Variants in PEX5L observed in about 807,000 individuals in gnomAD.
PEX5L encodes PEX5-related protein.
A neutral mutation model predicts 84.0 loss-of-function variants in PEX5L; 30 were observed. That is an observed-to-expected ratio of 0.36 (90% confidence interval 0.27 to 0.48). The LOEUF is 0.48. Ranked by LOEUF, PEX5L falls within the 20% of genes least tolerant of loss-of-function variation. PEX5L has a pLI of 0.99. For missense variants in PEX5L, 533 were observed against 754.6 expected (o/e 0.71, Z 3.44); for synonymous variants, 270 against 283.1 (o/e 0.95, Z 0.46).
rs112686910 is a variant in PEX5L, at chr3:179,963,382, T to C, written c.93+8212A>G. On this transcript the variant is annotated intron_variant, in intron 2 of 14. Transcript: ENST00000467460. ...ATTTTTTACATTTTAAATTGGCCAG[T>C]TTTCTTTGGAAGTACTTCAATTTCC... is the stretch of plus-strand genomic sequence containing the variant. 2.8e-4 allele frequency among the ~76,000 whole-genome samples: 42 copies of C among 152,294 alleles called. 2 individuals are homozygous for C. The highest frequency in any genetic ancestry group is 7.2e-4 in the Admixed American group (11 of 15,282).
intron 8 of PEX5L, among the ~76,000 whole-genome samples, chr3:179,844,524 G>A (rs563555568): frequency 1.3e-4 from 20 of 152,308 alleles, no homozygotes; most frequent in South Asian, 1.2e-3. Flanking sequence ...ACAAGGAAGC[G>A]GTTAACTTCA....
At chr3:179,836,706 A>G (rs897841282) in intron 8 of PEX5L, among the ~76,000 whole-genome samples, 1 of 152,218 alleles carries the variant, frequency 6.6e-6, no homozygotes, top group African/African-American at 2.4e-5. Context: ...CAATTAGATC[A>G]TTTAACCAAA....
intron 1 of PEX5L, among the ~76,000 whole-genome samples, chr3:180,001,493 A>AT (rs5854855): frequency 0.26 from 38,599 of 149,050 alleles, 5,502 homozygotes; most frequent in African/African-American, 0.4. Context: ...AAGAAAACAA[A>AT]TTTTTTTTTT....
intron 2 of PEX5L, among the ~76,000 whole-genome samples, chr3:179,933,800 T>C (rs142109709): frequency 6.6e-6 from 1 of 152,368 alleles, no homozygotes; most frequent in East Asian, 1.9e-4. Flanking sequence ...CACCCTCAGA[T>C]ATTCTGATTC....
chr3:179,819,782 G>T, intron 9 of PEX5L, 78 bp downstream of exon 9: 1 of 1,188,960 alleles, frequency 8.4e-7, no homozygotes, highest in Non-Finnish European at 1.2e-6. Flanking sequence ...TGACAGAATA[G>T]CTATTGACTA....
chr3:179,842,206 A>G (rs1485093488), intron 8 of PEX5L, among the ~76,000 whole-genome samples: 1 of 152,184 alleles, frequency 6.6e-6, no homozygotes, highest in Non-Finnish European at 1.5e-5. Context: ...CAGGTGTAAC[A>G]CAGCTGTGAT....
chr3:180,009,576 CT>C (rs71629907), intron 1 of PEX5L, among the ~76,000 whole-genome samples: 28 of 148,568 alleles, frequency 1.9e-4, no homozygotes, highest in East Asian at 2.0e-4. Flanking sequence ...TTTTTCTTTT[CT>C]TTTTTTTTTG....
At chr3:179,984,864 G>A (rs577958275) in intron 1 of PEX5L, among the ~76,000 whole-genome samples, 3 of 152,166 alleles carry the variant, frequency 2.0e-5, no homozygotes, top group Non-Finnish European at 4.4e-5. Flanking sequence ...CTTCATAGGC[G>A]ATTCCAGGAA....
intron 1 of PEX5L, among the ~76,000 whole-genome samples, chr3:179,978,529 C>T (rs57461642): frequency 0.026 from 4,014 of 152,194 alleles, 186 homozygotes; most frequent in African/African-American, 0.092. Flanking sequence ...TTTTATTATA[C>T]TTGCTTTTGC....
intron 4 of PEX5L, among the ~76,000 whole-genome samples, chr3:179,887,060 T>C (rs1432213010): frequency 6.6e-6 from 1 of 152,208 alleles, no homozygotes; most frequent in African/African-American, 2.4e-5. Context: ...TACTCACTCA[T>C]TGGATTAATA....
At chr3:179,951,650 C>G (rs1305601287) in intron 2 of PEX5L, among the ~76,000 whole-genome samples, 1 of 152,108 alleles carries the variant, frequency 6.6e-6, no homozygotes, top group Non-Finnish European at 1.5e-5. Context: ...CATTTCTGAC[C>G]ACTTAGGAGA....
chr3:179,877,894 C>A (rs998657374), intron 5 of PEX5L, among the ~76,000 whole-genome samples: 5 of 152,150 alleles, frequency 3.3e-5, no homozygotes, highest in African/African-American at 1.2e-4. Flanking sequence ...AGAGGGATGG[C>A]AGGGGAGAGG....
In PEX5L at chr3:179,808,446, G is replaced by GA. The variant is rs71182519; in HGVS notation, c.1353-10dup. On this transcript the variant is annotated splice_polypyrimidine_tract_variant and intron_variant, in intron 12 of 14. Transcript: ENST00000467460. ...CCCCTTCCAGAACAGAGCTACAAGAGAAAAAAAAAATTAGATTTGTAATCC... is the reference window on the plus strand; with the variant it reads ...CCCCTTCCAGAACAGAGCTACAAGAGAAAAAAAAAAATTAGATTTGTAATCC... 7,686 of 1,327,308 alleles carry GA rather than the reference G, an allele frequency of 5.8e-3. No homozygotes were observed. Among genetic ancestry groups the GA allele is most frequent in the South Asian group, 0.01 (570 of 54,394 alleles). The allele number at this position is 1,327,308 out of a possible 1,614,324, so 82.2% of individuals were successfully genotyped here.
chr3:180,023,822 G>A (rs184438942), intron 1 of PEX5L, among the ~76,000 whole-genome samples: 37 of 151,670 alleles, frequency 2.4e-4, no homozygotes, highest in Non-Finnish European at 5.0e-4. Flanking sequence ...CTTGGTAGAG[G>A]AGACCCCCTT....
intron 2 of PEX5L, among the ~76,000 whole-genome samples, chr3:179,951,359 T>C (rs1779033818): frequency 6.6e-6 from 1 of 151,498 alleles, no homozygotes; most frequent in Non-Finnish European, 1.5e-5. Flanking sequence ...ATGAGTCTAT[T>C]TCCTAGGGGA....
At chr3:180,034,738 T>C (rs1791750747) in intron 1 of PEX5L, among the ~76,000 whole-genome samples, 3 of 152,194 alleles carry the variant, frequency 2.0e-5, no homozygotes. Context: ...CTTTATTTAG[T>C]AATGTTTTAA....
intron 8 of PEX5L, among the ~76,000 whole-genome samples, chr3:179,827,724 G>A (rs770188893): frequency 1.3e-5 from 2 of 152,172 alleles, no homozygotes; most frequent in Non-Finnish European, 1.5e-5. Flanking sequence ...GTAGGCCAAC[G>A]AAATGTGTTA....
In PEX5L at chr3:179,997,330, G is replaced by A. The variant is rs558134475; in HGVS notation, c.22-25665C>T. 2.6e-5 allele frequency among the ~76,000 whole-genome samples: 4 copies of A among 152,190 alleles called. 1 individual carries two copies. In the East Asian group the frequency reaches 7.7e-4, roughly 29 times the overall value. On this transcript the variant is annotated intron_variant, in intron 1 of 14. Transcript: ENST00000467460. The stretch of plus-strand genomic sequence containing the variant: ...GCTTATGGAGGTCAGGTAATTAATG[G>A]AGTTTTGACTTACAGTGGGTCCAGT...
chr3:179,994,098 A>G (rs1237159351), intron 1 of PEX5L, among the ~76,000 whole-genome samples: 1 of 152,180 alleles, frequency 6.6e-6, no homozygotes, highest in African/African-American at 2.4e-5. Flanking sequence ...AGTGTTACAT[A>G]GTTTATCTCT....
Sources: gnomAD v4.1 joint callset for allele counts (sites outside exome capture counted in the v4.1 genomes callset) on GRCh38, gnomAD v4.1.1 for gene constraint, MANE v1.5 for transcripts, NCBI Gene and HGNC (gene_info 2026-07-23, HGNC 2026-07-21) for gene names.